Variants in CADM2 observed in about 807,000 individuals in gnomAD.
CADM2 encodes the protein immunoglobulin superfamily member 4D.
Under a neutral mutation model 49.8 loss-of-function variants are expected in CADM2, and 12 were observed. That is an observed-to-expected ratio of 0.24 (90% CI 0.15 to 0.39). The LOEUF is 0.39. CADM2 is among the 10% of genes least tolerant of loss of function. The pLI is 1.00. For synonymous variants in CADM2, 214 were observed against 175.4 expected (o/e 1.22, Z -1.74); for missense variants, 378 against 492.3 (o/e 0.77, Z 2.20).
chr3:86,025,053 T>TTG (rs759690050), intron 8 of CADM2, among the ~76,000 whole-genome samples: 173 of 151,140 alleles, frequency 1.1e-3, no homozygotes, highest in Middle Eastern at 3.4e-3. Flanking sequence ...TAGTTGTTTT[T>TTG]TTTTGTTTTG....
At chr3:85,569,050 A>T (rs1688401682) in intron 1 of CADM2, among the ~76,000 whole-genome samples, 1 of 152,140 alleles carries the variant, frequency 6.6e-6, no homozygotes, top group African/African-American at 2.4e-5. Flanking sequence ...CACAACTCAG[A>T]TATTGACATG....
At chr3:84,998,627 A>G (rs776724957) in intron 1 of CADM2, among the ~76,000 whole-genome samples, 3 of 152,150 alleles carry the variant, frequency 2.0e-5, no homozygotes, top group Non-Finnish European at 4.4e-5. Context: ...GTAAATTTTG[A>G]GACTTGCAAC....
At chr3:85,660,551 A>T (rs572612928) in intron 1 of CADM2, among the ~76,000 whole-genome samples, 21 of 151,884 alleles carry the variant, frequency 1.4e-4, no homozygotes, top group Middle Eastern at 3.4e-3. Flanking sequence ...CAGTTCATAG[A>T]TGTGTCGTAC....
chr3:85,830,949 G>T (rs2074157282), intron 3 of CADM2, among the ~76,000 whole-genome samples: 1 of 151,650 alleles, frequency 6.6e-6, no homozygotes, highest in African/African-American at 2.4e-5. Context: ...CAAGTTGTGA[G>T]CATAGACCTG....
intron 1 of CADM2, among the ~76,000 whole-genome samples, chr3:85,189,221 T>C (rs571840721): frequency 2.4e-4 from 37 of 152,180 alleles, no homozygotes; most frequent in Non-Finnish European, 1.0e-4. Flanking sequence ...AGGATATATT[T>C]CATGCTTTTG....
At chr3:85,243,166 C>A (rs1306211441) in intron 1 of CADM2, among the ~76,000 whole-genome samples, 1 of 151,524 alleles carries the variant, frequency 6.6e-6, no homozygotes, top group Non-Finnish European at 1.5e-5. Flanking sequence ...TTTATATTTT[C>A]TTTTTTTATA....
intron 1 of CADM2, among the ~76,000 whole-genome samples, chr3:84,995,482 A>C (rs1365191144): frequency 6.6e-6 from 1 of 152,218 alleles, no homozygotes; most frequent in Non-Finnish European, 1.5e-5. Context: ...TAACGGAAAG[A>C]AGCTTTAATT....
chr3:85,687,734 A>G (rs937273904), intron 1 of CADM2, among the ~76,000 whole-genome samples: 3 of 152,198 alleles, frequency 2.0e-5, no homozygotes, highest in East Asian at 1.9e-4. Context: ...TTAGATGTCT[A>G]TAGTCCTCCT....
chr3:85,937,327 T>G (rs1246734640), intron 7 of CADM2, among the ~76,000 whole-genome samples: 1 of 151,816 alleles, frequency 6.6e-6, no homozygotes, highest in Non-Finnish European at 1.5e-5. Flanking sequence ...AGAATACAAA[T>G]TTCAAGAGAT....
chr3:85,951,275 C>A (rs959691474), intron 7 of CADM2, among the ~76,000 whole-genome samples: 1 of 150,980 alleles, frequency 6.6e-6, no homozygotes, highest in African/African-American at 2.4e-5. Context: ...CTTTCTCACA[C>A]ACAAATGCAC....
intron 1 of CADM2, among the ~76,000 whole-genome samples, chr3:85,118,742 T>C (rs1343326922): frequency 6.6e-6 from 1 of 152,126 alleles, no homozygotes; most frequent in Admixed American, 6.5e-5. Context: ...CATTTATTTA[T>C]ATTTATTTAT....
At chr3:85,605,190 C>G (rs62263914) in intron 1 of CADM2, among the ~76,000 whole-genome samples, 55,842 of 151,742 alleles carry the variant, frequency 0.37, 10,593 homozygotes, top group East Asian at 0.61. Context: ...TTAAAGAGCT[C>G]TCAGCATGTA....
chr3:86,073,846 C>G lies in CADM2; in HGVS notation c.*7063C>G, dbSNP rs563905656. 31 of 151,850 alleles carry G rather than the reference C, an allele frequency of 2.0e-4. No homozygotes were observed. Among genetic ancestry groups the G allele is most frequent in the Non-Finnish European group, 3.5e-4 (24 of 67,820 alleles). 9.4% of individuals were successfully genotyped at this position (151,850 alleles called of 1,614,324 possible). A position where few individuals can be genotyped will look rare whatever the true frequency, so the allele number is the denominator to read the frequency against. ...ATTATCCATCCATTTTAGTTTTCCTCGATGATGCCCATTTTCTTTGTAAAT... is the reference window on the plus strand; with the variant it reads ...ATTATCCATCCATTTTAGTTTTCCTGGATGATGCCCATTTTCTTTGTAAAT... On this transcript the variant is annotated 3_prime_UTR_variant, in exon 10 of 10. Coordinates refer to ENST00000383699, the MANE Select transcript of CADM2 (RefSeq NM_001167675.2).
At chr3:85,298,462 A>G (rs1236158905) in intron 1 of CADM2, among the ~76,000 whole-genome samples, 5 of 152,088 alleles carry the variant, frequency 3.3e-5, no homozygotes, top group Non-Finnish European at 7.4e-5. Context: ...AAATGCATGT[A>G]TACTTAGTGA....
intron 8 of CADM2, among the ~76,000 whole-genome samples, chr3:86,017,054 T>A (rs929349818): frequency 5.9e-5 from 9 of 151,738 alleles, no homozygotes. Flanking sequence ...ACAGTTGTGC[T>A]TATTGCTTTA....
intron 1 of CADM2, among the ~76,000 whole-genome samples, chr3:85,640,570 G>A (rs980062570): frequency 1.3e-5 from 2 of 152,080 alleles, no homozygotes; most frequent in East Asian, 1.9e-4. Flanking sequence ...CATTTTTAGG[G>A]AACAGCAAGA....
chr3:85,232,693 T>C (rs937849218), intron 1 of CADM2, among the ~76,000 whole-genome samples: 1 of 152,134 alleles, frequency 6.6e-6, no homozygotes, highest in Non-Finnish European at 1.5e-5. Flanking sequence ...TATTAGGGAA[T>C]TGCAAATTGA....
rs75390068 is a variant in CADM2 at position 85,472,981 on chromosome 3, A to C, written c.62-253541A>C. Among the ~76,000 whole-genome samples the C allele has an allele frequency of 7.0e-3, 1,065 of 152,180 alleles. 10 individuals carry two copies. The highest frequency in any genetic ancestry group is 0.024 in the African/African-American group (1,003 of 41,538). The stretch of plus-strand genomic sequence containing the variant: ...TGTTGAACCATCAGTTTCTTACACA[A>C]TTATAACAATTATGTCAATTTTCTC... On this transcript the variant is annotated intron_variant, in intron 1 of 9. Coordinates refer to ENST00000383699, the MANE Select transcript of CADM2 (RefSeq NM_001167675.2).
rs562672736 is a variant in CADM2 at position 85,738,884 on chromosome 3, A to T, written c.88+12336A>T. On this transcript the variant is annotated intron_variant, in intron 2 of 9. Transcript: ENST00000383699. ...TTCACATTTAATTATTCATCTATTCATTACCCAAATATTTGTTGAGTTTAT... is the reference window on the plus strand; with the variant it reads ...TTCACATTTAATTATTCATCTATTCTTTACCCAAATATTTGTTGAGTTTAT... Among the ~76,000 whole-genome samples the T allele has an allele frequency of 2.0e-4, 30 of 152,288 alleles. No homozygotes were observed. In the South Asian group the frequency reaches 6.2e-3, roughly 32 times the overall value.
Sources: allele counts gnomAD v4.1 joint callset (sites outside exome capture counted in the v4.1 genomes callset), GRCh38; gene constraint gnomAD v4.1.1; transcripts MANE v1.5; gene names NCBI Gene and HGNC (gene_info 2026-07-23, HGNC 2026-07-21).